Variants in GPHN observed in about 807,000 individuals in gnomAD.
GPHN encodes gephyrin.
GPHN carries 17 observed loss-of-function variants against 95.5 expected under a neutral mutation model. That is an observed-to-expected ratio of 0.18 (90% CI 0.12 to 0.27). The LOEUF is 0.27. Ranked by LOEUF, GPHN falls within the 10% of genes least tolerant of loss-of-function variation. The pLI is 1.00. For synonymous variants in GPHN, 320 were observed against 322.5 expected (o/e 0.99, Z 0.08); for missense variants, 660 against 978.1 (o/e 0.67, Z 4.34).
the GPHN span, among the ~76,000 whole-genome samples, chr14:67,670,160 A>G: frequency 6.6e-6 from 1 of 152,196 alleles, no homozygotes; most frequent in South Asian, 2.1e-4. Flanking sequence ...AGTCCCCTGT[A>G]CCCAGATTCT....
At chr14:66,929,819 C>T (rs901824314) in intron 8 of GPHN, among the ~76,000 whole-genome samples, 2 of 152,024 alleles carry the variant, frequency 1.3e-5, no homozygotes, top group Non-Finnish European at 2.9e-5. Context: ...TCACGCCATT[C>T]TCCTGCCTCA....
chr14:66,579,622 A>G (rs191679687), intron 1 of GPHN, among the ~76,000 whole-genome samples: 13 of 151,934 alleles, frequency 8.6e-5, no homozygotes, highest in Admixed American at 3.9e-4. Context: ...TTATTATATA[A>G]TGATAAAAGT....
the GPHN span, among the ~76,000 whole-genome samples, chr14:67,494,265 A>G: frequency 6.6e-6 from 1 of 152,368 alleles, no homozygotes; most frequent in South Asian, 2.1e-4. Context: ...AAAATAATTA[A>G]CATTCCTTTT....
At chr14:67,680,927 C>T in the GPHN span, among the ~76,000 whole-genome samples, 1 of 152,194 alleles carries the variant, frequency 6.6e-6, no homozygotes, top group Admixed American at 6.5e-5. Flanking sequence ...GACAGACATA[C>T]AAATGAACGG....
At chr14:67,009,639 A>G (rs2072846266) in intron 9 of GPHN, among the ~76,000 whole-genome samples, 1 of 152,186 alleles carries the variant, frequency 6.6e-6, no homozygotes, top group South Asian at 2.1e-4. Context: ...CAGGGAATCT[A>G]TACACAATTG....
At chr14:66,681,255 G>A (rs2066917379) in intron 2 of GPHN, 70 bp downstream of exon 2, 1 of 980,776 alleles carries the variant, frequency 1.0e-6, no homozygotes, top group Non-Finnish European at 1.6e-6. Context: ...TCTCAAAAGA[G>A]TTTTATGTGA....
intron 10 of GPHN, among the ~76,000 whole-genome samples, chr14:67,046,742 CTA>C (rs2075039960): frequency 6.6e-6 from 1 of 152,090 alleles, no homozygotes; most frequent in Non-Finnish European, 1.5e-5. Flanking sequence ...AGTTGTAAAA[CTA>C]TTAGATTGAA....
chr14:67,584,020 A>T, the GPHN span: 1 of 1,613,966 alleles, frequency 6.2e-7, no homozygotes, highest in Non-Finnish European at 8.5e-7. Flanking sequence ...GTTGACCACA[A>T]AATGGGCAAC....
intron 3 of GPHN, among the ~76,000 whole-genome samples, chr14:66,790,579 G>A (rs1355447380): frequency 4.6e-5 from 7 of 152,202 alleles, no homozygotes; most frequent in Non-Finnish European, 8.8e-5. Flanking sequence ...ACTGCCACAT[G>A]ATTACAAGGT....
At chr14:67,217,660 AT>A in the GPHN span, among the ~76,000 whole-genome samples, 9 of 152,166 alleles carry the variant, frequency 5.9e-5, no homozygotes, top group African/African-American at 2.2e-4. Context: ...TCCCTTGAGC[AT>A]TTTTTGTAAG....
intron 4 of GPHN, among the ~76,000 whole-genome samples, chr14:66,862,909 C>T (rs567296842): frequency 1.3e-5 from 2 of 152,056 alleles, no homozygotes; most frequent in Non-Finnish European, 2.9e-5. Context: ...CCTCTAAGAT[C>T]TGCAACATGA....
intron 9 of GPHN, among the ~76,000 whole-genome samples, chr14:67,008,538 A>AATTT (rs140066998): frequency 0.043 from 6,554 of 151,202 alleles, 760 homozygotes; most frequent in East Asian, 0.41. Flanking sequence ...CTTTTTTTAA[A>AATTT]ATTTATTTAT....
At chr14:67,552,282 G>A in the GPHN span, among the ~76,000 whole-genome samples, 537 of 152,280 alleles carry the variant, frequency 3.5e-3, 3 homozygotes, top group Middle Eastern at 0.02. Flanking sequence ...GCCAAATAAG[G>A]GTTCTATAGC....
intron 2 of GPHN, among the ~76,000 whole-genome samples, chr14:66,714,020 T>C (rs532560588): frequency 2.3e-4 from 35 of 152,236 alleles, no homozygotes; most frequent in African/African-American, 7.9e-4. Flanking sequence ...CTGCCCGCCT[T>C]GGCCTCCCAA....
At chr14:67,179,816 C>A (rs2083228025) in intron 22 of GPHN, 142 bp downstream of exon 22, 10 of 648,148 alleles carry the variant, frequency 1.5e-5, no homozygotes, top group South Asian at 1.5e-4. Flanking sequence ...TAAGTTATTC[C>A]TAAACAGTAT....
At chr14:66,514,274 A>G (rs760677318) in intron 1 of GPHN, among the ~76,000 whole-genome samples, 4 of 152,050 alleles carry the variant, frequency 2.6e-5, no homozygotes, top group Non-Finnish European at 4.4e-5. Context: ...AAGTGAGCCC[A>G]TTATATTTCA....
chr14:67,111,589 A>G (rs2078374150), intron 14 of GPHN, among the ~76,000 whole-genome samples: 1 of 152,172 alleles, frequency 6.6e-6, no homozygotes, highest in Non-Finnish European at 1.5e-5. Context: ...CAAATATTAA[A>G]TCTTATAAAC....
chr14:66,960,537 T>C (rs1038014275), intron 8 of GPHN, among the ~76,000 whole-genome samples: 2 of 152,092 alleles, frequency 1.3e-5, no homozygotes, highest in Admixed American at 1.3e-4. Context: ...GTTTGCTTAG[T>C]GGTCAGCTAG....
intron 3 of GPHN, among the ~76,000 whole-genome samples, chr14:66,797,965 A>G (rs2060216833): frequency 6.6e-6 from 1 of 151,880 alleles, no homozygotes; most frequent in East Asian, 1.9e-4. Context: ...TGGGTCTGTC[A>G]TGCATGGTTT....
Sources: gnomAD v4.1 joint callset for allele counts (sites outside exome capture counted in the v4.1 genomes callset) on GRCh38, gnomAD v4.1.1 for gene constraint, MANE v1.5 for transcripts, NCBI Gene and HGNC (gene_info 2026-07-23, HGNC 2026-07-21) for gene names.